DDI2: variants seen among roughly 807,000 people sequenced by gnomAD.
The protein encoded by DDI2 is protein DDI1 homolog 2.
Under a neutral mutation model 48.1 loss-of-function variants are expected in DDI2, and 5 were observed. That is an observed-to-expected ratio of 0.10 (90% CI 0.05 to 0.22). The LOEUF is 0.22. DDI2 is among the 10% of genes least tolerant of loss of function. The pLI is 1.00. For missense variants in DDI2, 285 were observed against 506.2 expected (o/e 0.56, Z 4.19); for synonymous variants, 205 against 183.6 (o/e 1.12, Z -0.94).
At chr1:15,628,931 C>T (rs1016487204) in intron 2 of DDI2, among the ~76,000 whole-genome samples, 1 of 152,168 alleles carries the variant, frequency 6.6e-6, no homozygotes, top group Non-Finnish European at 1.5e-5. Context: ...CTATTTGGAA[C>T]ATTTCATATA....
At chr1:15,629,013 T>G (rs949387638) in intron 2 of DDI2, among the ~76,000 whole-genome samples, 2 of 152,200 alleles carry the variant, frequency 1.3e-5, no homozygotes, top group Non-Finnish European at 2.9e-5. Flanking sequence ...TTCATTTTAG[T>G]AAGGTCAGTT....
intron 5 of DDI2, 69 bp downstream of exon 5, chr1:15,638,503 G>T: frequency 6.7e-7 from 1 of 1,492,572 alleles, no homozygotes; most frequent in Non-Finnish European, 9.2e-7. Context: ...AGAAGGGGAG[G>T]CTCAAGCATC....
chr1:15,633,201 T>A (rs1344005800), intron 3 of DDI2, among the ~76,000 whole-genome samples: 1 of 152,116 alleles, frequency 6.6e-6, no homozygotes, highest in African/African-American at 2.4e-5. Flanking sequence ...AGTGTCGAGA[T>A]TATAGGCATG....
Position 15,617,593 on chromosome 1 carries a change from G to C in DDI2, c.-78G>C. The C allele has an allele frequency of 8.2e-7, 1 of 1,220,780 alleles. No homozygotes were observed. The highest frequency in any genetic ancestry group is 3.2e-5 in the East Asian group (1 of 30,834). The allele number at this position is 1,220,780 out of a possible 1,614,324, so 75.6% of individuals were successfully genotyped here. ...CGCCGTCCTCCCGCAGCACCAGCCAGGCCACGCCGCCGCCTCTTCCCCTGC... is the reference window on the plus strand; with the variant it reads ...CGCCGTCCTCCCGCAGCACCAGCCACGCCACGCCGCCGCCTCTTCCCCTGC... On this transcript the variant is annotated 5_prime_UTR_variant, in exon 1 of 10. Transcript: ENST00000480945.
At chr1:15,636,397 T>C (rs1410032146) in intron 4 of DDI2, among the ~76,000 whole-genome samples, 1 of 151,978 alleles carries the variant, frequency 6.6e-6, no homozygotes, top group Non-Finnish European at 1.5e-5. Flanking sequence ...GCTTGGATTA[T>C]AGGTGTGAGC....
At chr1:15,642,359 A>G (rs1640024305) in intron 5 of DDI2, among the ~76,000 whole-genome samples, 1 of 152,222 alleles carries the variant, frequency 6.6e-6, no homozygotes, top group South Asian at 2.1e-4. Context: ...GGAGCAGAGT[A>G]TGGGAGTCCA....
intron 2 of DDI2, among the ~76,000 whole-genome samples, chr1:15,628,512 C>G (rs1179730582): frequency 6.6e-6 from 1 of 152,174 alleles, no homozygotes; most frequent in East Asian, 1.9e-4. Context: ...TGCTATAATT[C>G]TGATCACTGT....
intron 6 of DDI2, among the ~76,000 whole-genome samples, chr1:15,648,793 G>T (rs1348999732): frequency 7.1e-6 from 1 of 140,984 alleles, no homozygotes; most frequent in African/African-American, 2.7e-5. Flanking sequence ...CTTGAGCCTA[G>T]GAGTTTGAGA....
intron 8 of DDI2, 98 bp downstream of exon 8, chr1:15,651,993 T>C (rs2103478129): frequency 1.6e-6 from 2 of 1,248,854 alleles, no homozygotes; most frequent in Non-Finnish European, 2.1e-6. Context: ...AGTTTTTAAT[T>C]AGTCTCATGG....
chr1:15,618,466 G>GT (rs980358428), intron 1 of DDI2, among the ~76,000 whole-genome samples: 2 of 152,072 alleles, frequency 1.3e-5, no homozygotes, highest in African/African-American at 4.8e-5. Context: ...CTGTTTGTTT[G>GT]TTTCGGTTCT....
intron 1 of DDI2, 150 bp downstream of exon 1, chr1:15,617,958 T>G: frequency 8.0e-7 from 1 of 1,255,556 alleles, no homozygotes; most frequent in Non-Finnish European, 1.1e-6. Context: ...GGAAAGGAGC[T>G]GGGGAGCTGG....
intron 8 of DDI2, among the ~76,000 whole-genome samples, chr1:15,655,466 C>T (rs982767266): frequency 7.0e-6 from 1 of 143,362 alleles, no homozygotes; most frequent in African/African-American, 2.6e-5. Context: ...AAAAAAAAAA[C>T]CACGGCTGGG....
Position 15,634,771 on chromosome 1 carries a change from A to G in DDI2, c.632+1206A>G, listed in dbSNP as rs192626319. ...GGTCTTGAACTCCTGAGCTCACGCA[A>G]TCCACGCGCCTCAGCCTCCCAAAGT... On this transcript the variant is annotated intron_variant, in intron 4 of 9. Coordinates refer to ENST00000480945, the MANE Select transcript of DDI2 (RefSeq NM_032341.5). Among the ~76,000 whole-genome samples, 345 of 151,952 alleles carry G rather than the reference A, an allele frequency of 2.3e-3. 4 individuals carry two copies. Among genetic ancestry groups the G allele is most frequent in the African/African-American group, 6.9e-3 (284 of 41,422 alleles).
At chr1:15,637,940 A>T (rs1221302723) in intron 4 of DDI2, among the ~76,000 whole-genome samples, 1 of 152,212 alleles carries the variant, frequency 6.6e-6, no homozygotes, top group Non-Finnish European at 1.5e-5. Context: ...TTCTGGGCTT[A>T]GGAAATGTAT....
Position 15,660,523 on chromosome 1 carries a change from A to T in DDI2, c.*733A>T. 6.2e-7 allele frequency: 1 copy of T among 1,613,488 alleles called. No individual in the cohort carries two copies. ...TGATTTGGAAGCTACGATGAAAGGA[A>T]ATGGGCTCCCACAGAATGTGGATCC... On this transcript the variant is annotated 3_prime_UTR_variant, in exon 10 of 10. Transcript: ENST00000480945.
In DDI2 at chr1:15,660,647, C is replaced by A. The variant is rs1468536562; in HGVS notation, c.*857C>A. Reference sequence around the variant, plus strand: ...GATACAGCTCAACAGTCCCTAGTTACTTTGCTTAATTCAACAGGCAGGCAG... The same window carrying A: ...GATACAGCTCAACAGTCCCTAGTTAATTTGCTTAATTCAACAGGCAGGCAG... On this transcript the variant is annotated 3_prime_UTR_variant, in exon 10 of 10. Coordinates refer to ENST00000480945, the MANE Select transcript of DDI2 (RefSeq NM_032341.5). 5 of 1,614,212 alleles carry A rather than the reference C, an allele frequency of 3.1e-6. No individual in the cohort carries two copies. Among genetic ancestry groups the A allele is most frequent in the Non-Finnish European group, 4.2e-6 (5 of 1,180,042 alleles).
chr1:15,652,058 CTTTTTTTTTTTTTTTT>C (rs772990709), intron 8 of DDI2, among the ~76,000 whole-genome samples, 163 bp downstream of exon 8: 2 of 75,964 alleles, frequency 2.6e-5, no homozygotes, highest in Non-Finnish European at 4.5e-5. Context: ...TTTGATCTTC[CTTTTTTTTTTTTTTTT>C]TTTTTTTTGG....
intron 7 of DDI2, among the ~76,000 whole-genome samples, chr1:15,650,940 C>T (rs1469281247): frequency 1.3e-5 from 2 of 152,080 alleles, no homozygotes; most frequent in African/African-American, 2.4e-5. Flanking sequence ...CTGCAAGCTT[C>T]GCCTCCTGGG....
intron 1 of DDI2, among the ~76,000 whole-genome samples, chr1:15,621,440 A>G (rs1040724394): frequency 1.3e-5 from 2 of 152,014 alleles, no homozygotes; most frequent in Non-Finnish European, 2.9e-5. Context: ...TCACCTAGGC[A>G]GTAGTGCGCT....
Sources: allele counts gnomAD v4.1 joint callset (sites outside exome capture counted in the v4.1 genomes callset), GRCh38; gene constraint gnomAD v4.1.1; transcripts MANE v1.5; gene names NCBI Gene and HGNC (gene_info 2026-07-23, HGNC 2026-07-21).